Variants in SEM1 observed in about 807,000 individuals in gnomAD.
The protein encoded by SEM1 is 26S proteasome complex subunit SEM1.
Under a neutral mutation model 12.7 loss-of-function variants are expected in SEM1, and 3 were observed. That is an observed-to-expected ratio of 0.24 (90% CI 0.11 to 0.61). The LOEUF (loss-of-function observed/expected upper bound fraction) is 0.61, where lower values mean the gene tolerates loss of function less well. SEM1 is among the 20% of genes least tolerant of loss of function. The pLI, the probability that SEM1 is intolerant of heterozygous loss-of-function variation, is 0.88. For missense variants in SEM1, 59 were observed against 81.3 expected, an observed-to-expected ratio of 0.73 and a Z score of 1.06; for synonymous variants, 30 against 27.8, an observed-to-expected ratio of 1.08 and a Z score of -0.25.
chr7:96,694,032 T>C (rs1328941474), intron 2 of SEM1, among the ~76,000 whole-genome samples: 2 of 151,990 alleles, frequency 1.3e-5, no homozygotes, highest in African/African-American at 4.8e-5. Context: ...GAAGTACTGA[T>C]GCATGGTACA....
rs994051715 is a variant in SEM1 at position 96,630,144 on chromosome 7, G to T, written c.171-7501C>A. Among the ~76,000 whole-genome samples the T allele has an allele frequency of 2.0e-5, 3 of 152,268 alleles. No individual in the cohort carries two copies. In the East Asian group the frequency reaches 5.8e-4, roughly 30 times the overall value. ...TAACCAGTCCTTGGCTGCAGCTTAT[G>T]TTCGCTTAAGGCCCTAGGGCTCTAC... On this transcript the variant is annotated intron_variant, in intron 2 of 2. Transcript: ENST00000417009.
At chr7:96,599,265 CTT>C (rs1272447106) in intron 2 of SEM1, among the ~76,000 whole-genome samples, 2 of 152,108 alleles carry the variant, frequency 1.3e-5, no homozygotes, top group Non-Finnish European at 2.9e-5. Flanking sequence ...CTCTCTCTCT[CTT>C]TCTTTCTACA....
chr7:96,561,303 G>A (rs1339843482), intron 2 of SEM1, among the ~76,000 whole-genome samples: 3 of 152,142 alleles, frequency 2.0e-5, no homozygotes, highest in East Asian at 3.9e-4. Flanking sequence ...GGGGGTGAGG[G>A]TTGAAATGCC....
At chr7:96,553,598 C>G (rs1239639665) in intron 2 of SEM1, among the ~76,000 whole-genome samples, 1 of 152,124 alleles carries the variant, frequency 6.6e-6, no homozygotes, top group African/African-American at 2.4e-5. Flanking sequence ...GTGACTGTAG[C>G]CTTGTAGTAT....
rs1481235214 is a variant in SEM1, at chr7:96,588,375, C to CG, written c.171-81678_171-81677insC. ...ACAAACACACACACACACACACACA[C>CG]ACACACACACACACACACACACGAG... On this transcript the variant is annotated intron_variant and NMD_transcript_variant, in intron 2 of 3. Coordinates refer to the SEM1 transcript ENST00000466986. Among the ~76,000 whole-genome samples, 26 of 123,502 alleles carry CG rather than the reference C, an allele frequency of 2.1e-4. 1 individual carries two copies. Among genetic ancestry groups the CG allele is most frequent in the East Asian group, 1.9e-3 (8 of 4,300 alleles). 81.0% of individuals were successfully genotyped at this position (123,502 alleles called of 152,430 possible).
At chr7:96,642,817 C>A (rs544528291) in intron 2 of SEM1, among the ~76,000 whole-genome samples, 100 of 151,912 alleles carry the variant, frequency 6.6e-4, no homozygotes, top group Admixed American at 1.8e-3. Flanking sequence ...TACAATTGGT[C>A]ATTTTCAGTT....
chr7:96,635,050 T>G (rs753345013), intron 2 of SEM1, among the ~76,000 whole-genome samples: 1 of 151,838 alleles, frequency 6.6e-6, no homozygotes, highest in Non-Finnish European at 1.5e-5. Context: ...CTGGGAAAGA[T>G]GAAAGTGACC....
intron 1 of SEM1, among the ~76,000 whole-genome samples, chr7:96,703,410 T>C (rs1790331720): frequency 6.6e-6 from 1 of 152,152 alleles, no homozygotes; most frequent in South Asian, 2.1e-4. Flanking sequence ...TAGAGAAAAA[T>C]GTTTGTACTG....
intron 2 of SEM1, chr7:96,647,491 C>T (rs541020242): frequency 1.3e-5 from 2 of 152,198 alleles, no homozygotes; most frequent in South Asian, 2.1e-4. Context: ...GATCCGGTAT[C>T]CTAAATATCT....
chr7:96,684,179 T>C (rs1045986839), downstream of SEM1, among the ~76,000 whole-genome samples: 3 of 152,118 alleles, frequency 2.0e-5, no homozygotes, highest in African/African-American at 2.4e-5. Flanking sequence ...TCACTAGCAA[T>C]TGAGACTACA....
intron 2 of SEM1, among the ~76,000 whole-genome samples, chr7:96,634,721 C>G (rs1206537093): frequency 6.6e-6 from 1 of 151,596 alleles, no homozygotes; most frequent in Non-Finnish European, 1.5e-5. Flanking sequence ...CATGCAAATG[C>G]AGGGGAAAGA....
chr7:96,588,150 C>T (rs1806703072), intron 2 of SEM1, among the ~76,000 whole-genome samples: 1 of 150,234 alleles, frequency 6.7e-6, no homozygotes, highest in African/African-American at 2.4e-5. Flanking sequence ...GGAAGGATCG[C>T]TTGAGCCCAG....
chr7:96,650,390 C>A (rs1343806870), intron 2 of SEM1: 2 of 644,568 alleles, frequency 3.1e-6, no homozygotes, highest in Non-Finnish European at 5.5e-6. Context: ...CAGGTTCCAG[C>A]CTCCTGGGCA....
chr7:96,628,729 C>T (rs1450385919), intron 2 of SEM1, among the ~76,000 whole-genome samples: 1 of 152,128 alleles, frequency 6.6e-6, no homozygotes, highest in Non-Finnish European at 1.5e-5. Context: ...CTTACTATTA[C>T]CAGTGAGTTT....
intron 2 of SEM1, among the ~76,000 whole-genome samples, chr7:96,531,823 T>A (rs1361622198): frequency 1.3e-5 from 2 of 152,038 alleles, no homozygotes; most frequent in Non-Finnish European, 2.9e-5. Context: ...TTCTAGAAAA[T>A]ATTATGAATG....
At chr7:96,582,939 A>C (rs1289055710) in intron 2 of SEM1, among the ~76,000 whole-genome samples, 1 of 152,084 alleles carries the variant, frequency 6.6e-6, no homozygotes, top group Non-Finnish European at 1.5e-5. Context: ...GGATTCATTA[A>C]TTTTTTGAAG....
At chr7:96,597,787 G>A (rs1162115792) in intron 2 of SEM1, among the ~76,000 whole-genome samples, 1 of 151,740 alleles carries the variant, frequency 6.6e-6, no homozygotes, top group African/African-American at 2.4e-5. Context: ...CCTCACTCTT[G>A]TACCCAATCC....
chr7:96,484,062 T>C, intron 3 of SEM1: 1 of 1,321,136 alleles, frequency 7.6e-7, no homozygotes, highest in Non-Finnish European at 1.0e-6. Context: ...ACTTATTCAA[T>C]CTTCACAACA....
At chr7:96,589,325 C>T (rs985576537) in intron 2 of SEM1, among the ~76,000 whole-genome samples, 1 of 152,298 alleles carries the variant, frequency 6.6e-6, no homozygotes, top group African/African-American at 2.4e-5. Flanking sequence ...GGCCCATCCC[C>T]GGATTAGAGC....
Sources: allele counts gnomAD v4.1 joint callset (sites outside exome capture counted in the v4.1 genomes callset), GRCh38; gene constraint gnomAD v4.1.1; transcripts MANE v1.5; gene names NCBI Gene and HGNC (gene_info 2026-07-23, HGNC 2026-07-21).